The following CREB5 variants were observed in gnomAD, a reference collection of about 807,000 sequenced individuals.
CREB5 encodes the protein cAMP responsive element binding protein 5, also known as cyclic AMP-responsive element-binding protein 5.
A neutral mutation model predicts 57.1 loss-of-function variants in CREB5; 19 were observed. The ratio of observed to expected loss-of-function variants is 0.33; its 90% CI spans 0.23 to 0.49. The LOEUF (loss-of-function observed/expected upper bound fraction) is 0.49, where lower values mean the gene tolerates loss of function less well. CREB5 is among the 20% of genes least tolerant of loss of function. The probability of loss-of-function intolerance (pLI) is 0.99; values close to 1 mark genes in which losing one functional copy is unlikely to be tolerated. For synonymous variants in CREB5, 238 were observed against 238.3 expected (o/e 1.00, Z 0.01); for missense variants, 579 against 671.6 (o/e 0.86, Z 1.52).
At chr7:28,671,596 G>GT (rs2128719326) in intron 5 of CREB5, among the ~76,000 whole-genome samples, 1 of 152,276 alleles carries the variant, frequency 6.6e-6, no homozygotes, top group African/African-American at 2.4e-5. Flanking sequence ...ACATGTGAAG[G>GT]TTACAACCAG....
chr7:28,506,802 A>T (rs559107918), intron 3 of CREB5, among the ~76,000 whole-genome samples: 41 of 152,228 alleles, frequency 2.7e-4, no homozygotes, highest in Admixed American at 7.2e-4. Context: ...ATCTTGTGAG[A>T]TCTAGATTCT....
At chr7:28,771,245 G>GA (rs1806305182) in intron 7 of CREB5, among the ~76,000 whole-genome samples, 2 of 152,046 alleles carry the variant, frequency 1.3e-5, no homozygotes, top group African/African-American at 4.8e-5. Flanking sequence ...TAAGCAGAGA[G>GA]AAAAAAATGG....
At chr7:28,568,954 G>A (rs1046201290) in intron 4 of CREB5, among the ~76,000 whole-genome samples, 1 of 152,124 alleles carries the variant, frequency 6.6e-6, no homozygotes, top group African/African-American at 2.4e-5. Context: ...CCAAAGCGCA[G>A]ACAGATACAT....
At position 28,413,092 on chromosome 7, in the gene CREB5, ATGTGTGTG is replaced by A. The variant is rs10599936; in HGVS notation, c.3+202_3+209del. 9.8e-3 allele frequency among the ~76,000 whole-genome samples: 1,443 copies of A among 147,298 alleles called. 20 individuals are homozygous for A. The highest frequency in any genetic ancestry group is 9.9e-3 in the Non-Finnish European group (658 of 66,602). On this transcript the variant is annotated intron_variant, in intron 1 of 10. Transcript: ENST00000357727. ...GACTTATAGCATTTTATGTGGAAGGATGTGTGTGTGTGTGTGTGTGTGTGTGTGTGTGT... is the reference window on the plus strand; with the variant it reads ...GACTTATAGCATTTTATGTGGAAGGATGTGTGTGTGTGTGTGTGTGTGTGT...
At chr7:28,333,842 T>C (rs1785761613) in intron 1 of CREB5, among the ~76,000 whole-genome samples, 1 of 152,240 alleles carries the variant, frequency 6.6e-6, no homozygotes, top group South Asian at 2.1e-4. Flanking sequence ...TAATGAATAG[T>C]GCTGCAAGGA....
At chr7:28,334,912 T>C (rs953999433) in intron 1 of CREB5, among the ~76,000 whole-genome samples, 9 of 152,240 alleles carry the variant, frequency 5.9e-5, no homozygotes, top group Admixed American at 5.2e-4. Flanking sequence ...AATTTCATTC[T>C]TCTGCATATG....
intron 5 of CREB5, among the ~76,000 whole-genome samples, chr7:28,642,364 C>G (rs1212247223): frequency 6.6e-6 from 1 of 152,104 alleles, no homozygotes; most frequent in African/African-American, 2.4e-5. Context: ...TCTATATGCC[C>G]CGCCCTCACC....
intron 5 of CREB5, among the ~76,000 whole-genome samples, chr7:28,648,615 G>T (rs1798998916): frequency 1.3e-5 from 2 of 152,176 alleles, no homozygotes; most frequent in South Asian, 4.2e-4. Context: ...GCTGGTGCAT[G>T]CCCGTAGTCT....
intron 5 of CREB5, among the ~76,000 whole-genome samples, chr7:28,657,891 G>C (rs769942605): frequency 6.6e-6 from 1 of 152,096 alleles, no homozygotes; most frequent in Non-Finnish European, 1.5e-5. Flanking sequence ...TATTCTGAAG[G>C]ATGTTTTTAT....
At chr7:28,724,089 C>T (rs956132155) in intron 6 of CREB5, 133 bp from the exon 7 acceptor site, 2 of 718,134 alleles carry the variant, frequency 2.8e-6, no homozygotes, top group Non-Finnish European at 4.5e-6. Flanking sequence ...GCTTACCACA[C>T]ACCAAACCAT....
chr7:28,578,346 T>C (rs160379), intron 5 of CREB5, among the ~76,000 whole-genome samples: 10 of 152,186 alleles, frequency 6.6e-5, no homozygotes, highest in African/African-American at 1.7e-4. Flanking sequence ...TTGTGGTGTT[T>C]AGAGAGAGTC....
intron 4 of CREB5, among the ~76,000 whole-genome samples, chr7:28,563,862 G>T (rs1383682033): frequency 6.6e-6 from 1 of 152,122 alleles, no homozygotes; most frequent in Non-Finnish European, 1.5e-5. Flanking sequence ...CTAGGAGGGA[G>T]AGGTGGCCTG....
At chr7:28,401,573 C>A (rs947209206) in intron 1 of CREB5, among the ~76,000 whole-genome samples, 11 of 152,146 alleles carry the variant, frequency 7.2e-5, no homozygotes, top group Admixed American at 1.3e-4. Flanking sequence ...CTTTCCCCAA[C>A]CACGACAGGC....
upstream of CREB5, among the ~76,000 whole-genome samples, chr7:28,410,944 C>T (rs1285411664): frequency 6.6e-6 from 1 of 152,038 alleles, no homozygotes; most frequent in African/African-American, 2.4e-5. Flanking sequence ...CACCACTCCC[C>T]CGTCTACACC....
intron 1 of CREB5, among the ~76,000 whole-genome samples, chr7:28,351,269 T>C (rs1562669536): frequency 6.6e-6 from 1 of 152,178 alleles, no homozygotes; most frequent in Non-Finnish European, 1.5e-5. Flanking sequence ...TCTATAAGAA[T>C]GATCCTAGGA....
intron 1 of CREB5, among the ~76,000 whole-genome samples, chr7:28,463,533 G>A (rs946699023): frequency 1.6e-4 from 24 of 146,662 alleles, no homozygotes; most frequent in African/African-American, 6.1e-4. Context: ...GCCATCTAAC[G>A]ATACTAATTC....
chr7:28,444,197 G>T (rs1026364468), intron 1 of CREB5, among the ~76,000 whole-genome samples: 1 of 152,156 alleles, frequency 6.6e-6, no homozygotes, highest in African/African-American at 2.4e-5. Flanking sequence ...ATGCTAGTTT[G>T]TGGGAGTCCC....
intron 5 of CREB5, among the ~76,000 whole-genome samples, chr7:28,677,325 C>T (rs1168102905): frequency 6.6e-6 from 1 of 152,108 alleles, no homozygotes; most frequent in Non-Finnish European, 1.5e-5. Context: ...CATAGCACCA[C>T]AGAAATAAGG....
intron 1 of CREB5, among the ~76,000 whole-genome samples, chr7:28,310,699 C>G (rs1785260807): frequency 6.6e-6 from 1 of 152,184 alleles, no homozygotes; most frequent in Non-Finnish European, 1.5e-5. Context: ...GCTTTATTTG[C>G]TTCATCTATT....
Sources: allele counts gnomAD v4.1 joint callset (sites outside exome capture counted in the v4.1 genomes callset), GRCh38; gene constraint gnomAD v4.1.1; transcripts MANE v1.5; gene names NCBI Gene and HGNC (gene_info 2026-07-23, HGNC 2026-07-21).